Variants in THSD7A observed in about 807,000 individuals in gnomAD.
The protein encoded by THSD7A is thrombospondin type-1 domain-containing protein 7A.
Under a neutral mutation model 231.3 loss-of-function variants are expected in THSD7A, and 96 were observed. The ratio of observed to expected loss-of-function variants is 0.41; its 90% CI spans 0.35 to 0.49. The LOEUF (loss-of-function observed/expected upper bound fraction) is 0.49, where lower values mean the gene tolerates loss of function less well. THSD7A is among the 20% of genes least tolerant of loss of function. THSD7A has a pLI of 0.05. For synonymous variants in THSD7A, 940 were observed against 743.3 expected, an observed-to-expected ratio of 1.26 and a Z score of -4.30; for missense variants, 2,290 against 2,070.2, an observed-to-expected ratio of 1.11 and a Z score of -2.06.
chr7:11,652,464 G>A (rs1468669227), intron 1 of THSD7A, among the ~76,000 whole-genome samples: 3 of 151,922 alleles, frequency 2.0e-5, no homozygotes, highest in African/African-American at 7.2e-5. Context: ...CATGTATATT[G>A]TAATTTCCAT....
intron 26 of THSD7A, 38 bp from the exon 27 acceptor site, chr7:11,376,695 T>C: frequency 6.8e-7 from 1 of 1,475,398 alleles, no homozygotes; most frequent in Non-Finnish European, 9.3e-7. Context: ...TTTACATTAG[T>C]CTGGTATACA....
chr7:11,478,364 C>T (rs1384458909), intron 7 of THSD7A, among the ~76,000 whole-genome samples: 1 of 152,104 alleles, frequency 6.6e-6, no homozygotes, highest in Admixed American at 6.6e-5. Context: ...CCCATGTGCC[C>T]CCTGTCCTTC....
chr7:11,612,478 G>A (rs1180360840), intron 2 of THSD7A, among the ~76,000 whole-genome samples: 1 of 152,162 alleles, frequency 6.6e-6, no homozygotes, highest in Non-Finnish European at 1.5e-5. Flanking sequence ...GTCAAAATCT[G>A]TCACACATGT....
At chr7:11,495,571 G>C (rs973419121) in intron 6 of THSD7A, among the ~76,000 whole-genome samples, 1 of 151,992 alleles carries the variant, frequency 6.6e-6, no homozygotes, top group Non-Finnish European at 1.5e-5. Flanking sequence ...ATTTTCTATT[G>C]CAAAACTGTA....
chr7:11,669,430 A>G (rs898528817), intron 1 of THSD7A, among the ~76,000 whole-genome samples: 1 of 151,978 alleles, frequency 6.6e-6, no homozygotes, highest in Non-Finnish European at 1.5e-5. Context: ...TAAGTAATTC[A>G]CCAACTGATG....
chr7:11,807,073 T>C (rs1180931706), intron 1 of THSD7A, among the ~76,000 whole-genome samples: 1 of 152,150 alleles, frequency 6.6e-6, no homozygotes, highest in Non-Finnish European at 1.5e-5. Flanking sequence ...CATTATGACA[T>C]GGACCCAAGT....
intron 1 of THSD7A, among the ~76,000 whole-genome samples, chr7:11,643,465 T>C (rs551292291): frequency 1.7e-4 from 26 of 152,216 alleles, no homozygotes; most frequent in Admixed American, 9.2e-4. Context: ...TTTGCTGTCC[T>C]TCTACTAGGC....
chr7:11,484,442 C>T (rs1463242892), intron 6 of THSD7A, among the ~76,000 whole-genome samples: 1 of 152,102 alleles, frequency 6.6e-6, no homozygotes, highest in Non-Finnish European at 1.5e-5. Context: ...TTTTCTCCTT[C>T]CTAGAGGAGA....
intron 11 of THSD7A, among the ~76,000 whole-genome samples, chr7:11,450,872 A>G (rs983500642): frequency 6.6e-6 from 1 of 152,012 alleles, no homozygotes; most frequent in African/African-American, 2.4e-5. Flanking sequence ...TTCACCATGA[A>G]AGCTTCTCAG....
At chr7:11,497,492 T>C (rs573291000) in intron 6 of THSD7A, among the ~76,000 whole-genome samples, 6 of 152,308 alleles carry the variant, frequency 3.9e-5, no homozygotes, top group Admixed American at 2.0e-4. Flanking sequence ...AGAAAGTAGT[T>C]CAAACAAAGC....
intron 6 of THSD7A, among the ~76,000 whole-genome samples, chr7:11,512,261 T>C (rs1171898709): frequency 3.3e-5 from 5 of 152,018 alleles, no homozygotes; most frequent in African/African-American, 9.7e-5. Context: ...GTTAGAATGG[T>C]GATCATTAAA....
At chr7:11,568,421 C>T (rs1002830568) in intron 4 of THSD7A, among the ~76,000 whole-genome samples, 6 of 151,894 alleles carry the variant, frequency 4.0e-5, no homozygotes, top group African/African-American at 9.7e-5. Context: ...GTCAGGAGAT[C>T]GAGACCATCC....
At chr7:11,430,911 G>T (rs942939410) in intron 13 of THSD7A, among the ~76,000 whole-genome samples, 10 of 152,118 alleles carry the variant, frequency 6.6e-5, no homozygotes, top group Non-Finnish European at 1.3e-4. Context: ...ATGGACATTT[G>T]AGTTTTCACT....
intron 1 of THSD7A, among the ~76,000 whole-genome samples, chr7:11,651,791 G>A (rs2128368876): frequency 6.6e-6 from 1 of 151,992 alleles, no homozygotes; most frequent in East Asian, 1.9e-4. Context: ...GCTCAGAAAT[G>A]CCCATTATCA....
chr7:11,531,012 AAAAC>A (rs1490150836), intron 6 of THSD7A, among the ~76,000 whole-genome samples: 4 of 152,280 alleles, frequency 2.6e-5, no homozygotes, highest in Non-Finnish European at 5.9e-5. Flanking sequence ...CTCTGTCACA[AAAAC>A]AAACAAACAA....
intron 23 of THSD7A, among the ~76,000 whole-genome samples, chr7:11,400,903 A>G (rs1783379057): frequency 6.6e-6 from 1 of 152,148 alleles, no homozygotes; most frequent in African/African-American, 2.4e-5. Context: ...CCAAATAGCA[A>G]TTCTTTTGTT....
intron 1 of THSD7A, among the ~76,000 whole-genome samples, chr7:11,665,424 C>G (rs762347710): frequency 1.3e-5 from 2 of 151,968 alleles, no homozygotes; most frequent in Non-Finnish European, 2.9e-5. Flanking sequence ...GAAAATAAGG[C>G]AAATGTGACT....
At chr7:11,722,796 A>G (rs1398381516) in intron 1 of THSD7A, among the ~76,000 whole-genome samples, 5 of 152,196 alleles carry the variant, frequency 3.3e-5, no homozygotes, top group Admixed American at 6.5e-5. Context: ...CACACCAGTT[A>G]GAATGGCGAT....
chr7:11,651,086 A>C (rs1187806883), intron 1 of THSD7A, among the ~76,000 whole-genome samples: 1 of 152,078 alleles, frequency 6.6e-6, no homozygotes, highest in East Asian at 1.9e-4. Context: ...AATGTGATAT[A>C]CATACAATGG....
Sources: gnomAD v4.1 joint callset for allele counts (sites outside exome capture counted in the v4.1 genomes callset) on GRCh38, gnomAD v4.1.1 for gene constraint, MANE v1.5 for transcripts, NCBI Gene and HGNC (gene_info 2026-07-23, HGNC 2026-07-21) for gene names.